Variants in HIP1R observed in about 807,000 individuals in gnomAD.
The protein encoded by HIP1R is huntingtin interacting protein 1 related, also known as huntingtin-interacting protein 1-related protein.
Under a neutral mutation model 144.2 loss-of-function variants are expected in HIP1R, and 135 were observed. The observed-to-expected ratio is 0.94, with a 90% confidence interval of 0.81 to 1.08. The LOEUF (loss-of-function observed/expected upper bound fraction) is 1.08, where lower values mean the gene tolerates loss of function less well. Ranked by LOEUF, HIP1R falls within the 50% of genes least tolerant of loss-of-function variation. The pLI is 0.00. For synonymous variants in HIP1R, 698 were observed against 612.8 expected, an observed-to-expected ratio of 1.14 and a Z score of -2.05; for missense variants, 1,462 against 1,432.8, an observed-to-expected ratio of 1.02 and a Z score of -0.33.
intron 1 of HIP1R, among the ~76,000 whole-genome samples, chr12:122,844,087 C>T (rs777404421): frequency 2.6e-5 from 4 of 152,178 alleles, no homozygotes; most frequent in Non-Finnish European, 4.4e-5. Context: ...GATCCACCTG[C>T]CTCGGTCTCC....
At chr12:122,857,976 C>T (rs965975141) in intron 18 of HIP1R, 126 bp from the exon 19 acceptor site, 11 of 769,264 alleles carry the variant, frequency 1.4e-5, no homozygotes, top group African/African-American at 3.5e-5. Context: ...TAGAAATCTC[C>T]ACCCCCCTGA....
At position 122,840,819 on chromosome 12, in the gene HIP1R, A is replaced by C. The variant is rs1381565669; in HGVS notation, c.93+5176A>C. Among the ~76,000 whole-genome samples the C allele has an allele frequency of 6.6e-6, 1 of 152,150 alleles. No individual in the cohort carries two copies. Among genetic ancestry groups the C allele is most frequent in the East Asian group, 1.9e-4 (1 of 5,196 alleles). On this transcript the variant is annotated intron_variant, in intron 1 of 31. Coordinates refer to ENST00000253083, the MANE Select transcript of HIP1R (RefSeq NM_003959.3). The surrounding 1 kb of genome is among the most constrained non-coding windows in gnomAD (Gnocchi z 4.2). ...ATGAAGGCTCTCCAGGGTTGGGAGG[A>C]TATTCTGGGGGACGACAGCCTCAGG... is the stretch of plus-strand genomic sequence containing the variant.
At position 122,855,824 on chromosome 12, in the gene HIP1R, T is replaced by A; in HGVS notation, c.1056-7T>A. ...CTTAACTTGAACCCCAGGACCTCTG[T>A]CCCCAGGGACCTCCAGATTGAGAGC... is the stretch of plus-strand genomic sequence containing the variant. On this transcript the variant is annotated splice_region_variant and splice_polypyrimidine_tract_variant and intron_variant, in intron 12 of 31. Transcript: ENST00000253083. 9.8e-6 allele frequency: 15 copies of A among 1,529,668 alleles called. No homozygotes were observed. The highest frequency in any genetic ancestry group is 1.3e-5 in the Non-Finnish European group (15 of 1,133,408). 94.8% of individuals were successfully genotyped at this position (1,529,668 alleles called of 1,614,324 possible).
At chr12:122,848,768 C>G in intron 3 of HIP1R, 28 bp from the exon 4 acceptor site, 4 of 1,612,516 alleles carry the variant, frequency 2.5e-6, no homozygotes, top group Non-Finnish European at 2.5e-6. Context: ...CTGGACACTC[C>G]CCCACTCCCG....
At chr12:122,857,292 C>A in intron 18 of HIP1R, 77 bp downstream of exon 18, 2 of 1,302,252 alleles carry the variant, frequency 1.5e-6, no homozygotes, top group Non-Finnish European at 2.2e-6. Context: ...CCGTGATCTG[C>A]CTGTTCTAGA....
At chr12:122,837,454 G>T (rs1427089391) in intron 1 of HIP1R, among the ~76,000 whole-genome samples, 1 of 152,088 alleles carries the variant, frequency 6.6e-6, no homozygotes. Flanking sequence ...AAGTGGCTGG[G>T]ACTACAAGCG....
In HIP1R at chr12:122,858,269, T is replaced by A. The variant is rs768808601; in HGVS notation, c.1963+20T>A. Reference sequence around the variant, plus strand: ...CCCCAGGTAGACAGTGGGGCCACACTCAGCCGCTCCCCTGCCTCCTTCCCA... The same window carrying A: ...CCCCAGGTAGACAGTGGGGCCACACACAGCCGCTCCCCTGCCTCCTTCCCA... On this transcript the variant is annotated intron_variant, in intron 19 of 31. Coordinates refer to ENST00000253083, the MANE Select transcript of HIP1R (RefSeq NM_003959.3). 39 of 1,577,060 alleles carry A rather than the reference T, an allele frequency of 2.5e-5. No homozygotes were observed. The highest frequency in any genetic ancestry group is 2.2e-5 in the Non-Finnish European group (26 of 1,155,708).
At position 122,854,174 on chromosome 12, in the gene HIP1R, C is replaced by G; in HGVS notation, c.709C>G (p.Leu237Val). The change falls in exon 8 of 32, where the codon CTA (leucine) becomes GTA (valine). Residue 237 changes from leucine to valine, a missense_variant. Physicochemically the swap from Leu to Val is conservative, Grantham distance 32. Around this residue, in one of 2 missense-constraint regions of HIP1R, gnomAD observed 350 missense variants for 421.1 expected, o/e 0.83. Coordinates refer to ENST00000253083, the MANE Select transcript of HIP1R (RefSeq NM_003959.3). ...CTACACGGTCAAGCTCCTGTTCAAG[C>G]TACACTCTTGTGAGTGGCCCAGGGC... The part of the protein sequence containing the change: ...YHYTVKLLFK[L>V]HSCLPADTLQ... 6.2e-7 allele frequency: 1 copy of G among 1,613,696 alleles called. No homozygotes were observed. Among genetic ancestry groups the G allele is most frequent in the Non-Finnish European group, 8.5e-7 (1 of 1,179,848 alleles).
rs368260275 is a variant in HIP1R at position 122,860,155 on chromosome 12, G to A, written c.2504G>A (p.Arg835Gln). 82 of 1,578,110 alleles carry A rather than the reference G, an allele frequency of 5.2e-5. No individual in the cohort carries two copies. In the East Asian group the frequency reaches 1.6e-3, roughly 30 times the overall value. ...NSCTDLMKAI[R>Q]LLVTTSTSLQ... ...CTGTCTTGGTCTCGGCAGGCTATCC[G>A]GCTCCTGGTGACGACATCCACTAGC... Residue 835 changes from arginine to glutamine, a missense_variant, in exon 26 of 32, where the codon CGG becomes CAG. By Grantham distance (43) the Arg-to-Gln change is conservative. Coordinates refer to ENST00000253083, the MANE Select transcript of HIP1R (RefSeq NM_003959.3).
Position 122,848,467 on chromosome 12 carries a change from C to G in HIP1R, c.159C>G (p.Arg53=), listed in dbSNP as rs139872971. ...CCACACTTGGCCTTGACATTGCAGG[C>G]ATCATTCTGGGCACACACCACGAGA... ...EAPVKEKHAR[R]IILGTHHEKG... is the part of the protein sequence containing the mutation. The change falls in exon 3 of 32, where the codon CGC becomes CGG. Residue 53 remains arginine (R), a splice_region_variant and synonymous_variant. Transcript: ENST00000253083. 1.9e-6 allele frequency: 3 copies of G among 1,609,780 alleles called. No individual in the cohort carries two copies. The African/African-American group carries it at 4.0e-5, about 21-fold the overall frequency.
chr12:122,847,677 G>A (rs985505716), intron 1 of HIP1R, among the ~76,000 whole-genome samples: 56 of 152,246 alleles, frequency 3.7e-4, no homozygotes, highest in African/African-American at 1.3e-3. Context: ...AAGGGGAGAT[G>A]GGGCCGGAGG....
intron 7 of HIP1R, among the ~76,000 whole-genome samples, chr12:122,852,915 T>G (rs2033442210): frequency 6.6e-6 from 1 of 152,180 alleles, no homozygotes; most frequent in Non-Finnish European, 1.5e-5. Flanking sequence ...TAATTAGAGA[T>G]TACTTTTTTA....
intron 20 of HIP1R, among the ~76,000 whole-genome samples, chr12:122,858,636 A>G (rs1225531783): frequency 1.3e-5 from 2 of 152,174 alleles, no homozygotes; most frequent in Non-Finnish European, 2.9e-5. Context: ...CTGGGCCACC[A>G]TATGTCTGCA....
intron 7 of HIP1R, chr12:122,853,617 G>A (rs2033465374): frequency 6.3e-6 from 1 of 158,568 alleles, no homozygotes; most frequent in African/African-American, 2.4e-5. Flanking sequence ...CTAGTGCCGT[G>A]TTACTTGGCA....
In HIP1R at chr12:122,856,246, T is replaced by C. The variant is rs2033572438; in HGVS notation, c.1313-10T>C. On this transcript the variant is annotated splice_polypyrimidine_tract_variant and intron_variant, in intron 14 of 31. Coordinates refer to ENST00000253083, the MANE Select transcript of HIP1R (RefSeq NM_003959.3). ...ACACGGGGCATCACTGCCCCTCCTC[T>C]CGCCCCCAGGGAAGGCCAGTGCCAC... The C allele has an allele frequency of 3.7e-6, 6 of 1,613,230 alleles. No homozygotes were observed. Among genetic ancestry groups the C allele is most frequent in the Non-Finnish European group, 5.1e-6 (6 of 1,179,846 alleles).
chr12:122,849,859 G>C lies in HIP1R; in HGVS notation c.358-16G>C, dbSNP rs763818021. The C allele has an allele frequency of 1.1e-5, 18 of 1,605,370 alleles. No individual in the cohort carries two copies. The highest frequency in any genetic ancestry group is 1.4e-5 in the Non-Finnish European group (17 of 1,172,894). ...TTCACGAGCCGTGGCCCCTCACCCT[G>C]TCTGTCTTCACACAGGGACATTTGC... On this transcript the variant is annotated splice_polypyrimidine_tract_variant and intron_variant, in intron 4 of 31. Transcript: ENST00000253083.
chr12:122,848,607 A>G lies in HIP1R; in HGVS notation c.299A>G (p.Asn100Ser), dbSNP rs755345037. 3.4e-5 allele frequency: 55 copies of G among 1,610,300 alleles called. No individual in the cohort carries two copies. Among genetic ancestry groups the G allele is most frequent in the African/African-American group, 6.7e-5 (5 of 74,914 alleles). The change falls in exon 3 of 32, where the codon AAT (asparagine) becomes AGT (serine). Residue 100 changes from asparagine to serine, a missense_variant and splice_region_variant. By Grantham distance (46) the Asn-to-Ser change is conservative. Around this residue, in one of 2 missense-constraint regions of HIP1R, gnomAD observed 350 missense variants for 421.1 expected, o/e 0.83. Coordinates refer to ENST00000253083, the MANE Select transcript of HIP1R (RefSeq NM_003959.3). ...LHKVLRDGHP[N>S]VLHDCQRYRS... ...AAGGTCCTTCGAGACGGGCACCCCA[A>G]TGTGAGTAGCAGCTGCTGCCTCTGC...
At chr12:122,857,257 C>T (rs1426353662) in intron 18 of HIP1R, 42 bp downstream of exon 18, 1 of 1,515,756 alleles carries the variant, frequency 6.6e-7, no homozygotes, top group Non-Finnish European at 9.0e-7. Flanking sequence ...GAGTTCACTG[C>T]CGTCTGGCAA....
Position 122,845,235 on chromosome 12 carries a change from G to GC in HIP1R, c.94-2795dup, listed in dbSNP as rs147460136. 5.4e-3 allele frequency among the ~76,000 whole-genome samples: 823 copies of GC among 152,320 alleles called. 12 individuals carry two copies. Among genetic ancestry groups the GC allele is most frequent in the African/African-American group, 0.018 (751 of 41,566 alleles). On this transcript the variant is annotated intron_variant, in intron 1 of 31. Coordinates refer to ENST00000253083, the MANE Select transcript of HIP1R (RefSeq NM_003959.3). ...GTAGGTGGGACATCACTGGGACCTG[G>GC]CGGGCTTCTCCCGGGACAGGGCTTA...
Sources: allele counts gnomAD v4.1 joint callset (sites outside exome capture counted in the v4.1 genomes callset), GRCh38; gene constraint gnomAD v4.1.1; regional missense constraint gnomAD v4.1.1; non-coding constraint Gnocchi (gnomAD v3.1); transcripts MANE v1.5; gene names NCBI Gene and HGNC (gene_info 2026-07-23, HGNC 2026-07-21).